The following DDX28 variants were observed in gnomAD, a reference collection of about 807,000 sequenced individuals.
DDX28 encodes the protein DEAD-box helicase 28, also known as probable ATP-dependent RNA helicase DDX28.
DDX28 carries 25 observed loss-of-function variants against 26.8 expected under a neutral mutation model. The observed-to-expected ratio is 0.93, with a 90% CI of 0.68 to 1.30. The LOEUF (loss-of-function observed/expected upper bound fraction) is 1.30. DDX28 is among the 50% of genes most tolerant of loss of function. The pLI, the probability that DDX28 is intolerant of heterozygous loss-of-function variation, is 0.00. For synonymous variants in DDX28, 370 were observed against 311.9 expected (o/e 1.19, Z -1.96); for missense variants, 790 against 695.1 (o/e 1.14, Z -1.53).
At position 68,021,510 on chromosome 16, in the gene DDX28, G is replaced by T; in HGVS notation, c.*70C>A. Reference sequence around the variant, plus strand: ...AGCCCAGAGCCTCCCACTGACAAGTGTGGTCACCCACTCAAGATACTGGGA... The same window carrying T: ...AGCCCAGAGCCTCCCACTGACAAGTTTGGTCACCCACTCAAGATACTGGGA... On this transcript the variant is annotated 3_prime_UTR_variant, in exon 1 of 1. Coordinates refer to ENST00000332395, the MANE Select transcript of DDX28 (RefSeq NM_018380.4). 6.5e-7 allele frequency: 1 copy of T among 1,530,258 alleles called. No homozygotes were observed. The highest frequency in any genetic ancestry group is 1.4e-5 in the African/African-American group (1 of 73,312). 94.8% of individuals were successfully genotyped at this position (1,530,258 alleles called of 1,614,324 possible).
Position 68,023,177 on chromosome 16 carries a change from A to G in DDX28, c.26T>C (p.Leu9Pro), listed in dbSNP as rs752347194. 1 of 1,609,674 alleles carries G rather than the reference A, an allele frequency of 6.2e-7. No individual in the cohort carries two copies. The highest frequency in any genetic ancestry group is 8.5e-7 in the Non-Finnish European group (1 of 1,179,286). ...GAGCAACCGAGTCACGAGGGAAAAG[A>G]GCCGCACCGGCCGCGTTAGAGCCAT... MALTRPVR[L>P]FSLVTRLLLA... Residue 9 changes from leucine to proline, a missense_variant, in exon 1 of 1, where the codon CTC becomes CCC. Transcript: ENST00000332395.
Position 68,021,915 on chromosome 16 carries a change from G to C in DDX28, c.1288C>G (p.Gln430Glu). The change falls in exon 1 of 1, where the codon CAA becomes GAA. Residue 430 changes from glutamine to glutamate, a missense_variant. By Grantham distance (29) the Gln-to-Glu change is conservative (BLOSUM62 2). Transcript: ENST00000332395. ...HKIQHLRLQG[Q>E]MPALMRVGIF... is the part of the protein sequence containing the mutation. ...CCTACCCTCATCAAGGCTGGCATTTGCCCCTGCAACCTTAGGTGTTGGATT... is the reference window on the plus strand; with the variant it reads ...CCTACCCTCATCAAGGCTGGCATTTCCCCCTGCAACCTTAGGTGTTGGATT... 6.2e-7 allele frequency: 1 copy of C among 1,614,206 alleles called. No homozygotes were observed. Among genetic ancestry groups the C allele is most frequent in the South Asian group, 1.1e-5 (1 of 91,086 alleles).
At position 68,022,612 on chromosome 16, in the gene DDX28, G is replaced by A; in HGVS notation, c.591C>T (p.Asp197=). Reference sequence around the variant, plus strand: ...CTCGGGGCGCGGGGATAGGAAGGGAGTCCAGGCTTGGCTGGCCCAAGAGCC... The same window carrying A: ...CTCGGGGCGCGGGGATAGGAAGGGAATCCAGGCTTGGCTGGCCCAAGAGCC... ...LQRLLGQPSL[D]SLPIPAPRGL... Residue 197 remains aspartate (D), a synonymous_variant, in exon 1 of 1, where the codon GAC becomes GAT. Transcript: ENST00000332395. The A allele has an allele frequency of 1.9e-6, 3 of 1,613,620 alleles. No homozygotes were observed. The highest frequency in any genetic ancestry group is 1.7e-6 in the Non-Finnish European group (2 of 1,179,934).
chr16:68,022,634 A>G lies in DDX28; in HGVS notation c.569T>C (p.Leu190Pro), dbSNP rs754561576. 3.6e-5 allele frequency: 58 copies of G among 1,613,018 alleles called. No individual in the cohort carries two copies. Among genetic ancestry groups the G allele is most frequent in the Non-Finnish European group, 4.7e-5 (55 of 1,179,852 alleles). Residue 190 changes from leucine to proline, a missense_variant, in exon 1 of 1, where the codon CTC becomes CCC. By Grantham distance (98) the Leu-to-Pro change is moderately conservative. Transcript: ENST00000332395. ...GGAGTCCAGGCTTGGCTGGCCCAAG[A>G]GCCGTTGAAGCAGCGGCAGGAGGTA... ...LSYLLPLLQR[L>P]LGQPSLDSLP...
rs1239305028 is a variant in DDX28 at position 68,021,315 on chromosome 16, A to G, written c.*265T>C. Reference sequence around the variant, plus strand: ...ATTATTCTTAGGGGAGGCACATAAAAACATCATTTATTGTTAGAAATCATG... The same window carrying G: ...ATTATTCTTAGGGGAGGCACATAAAGACATCATTTATTGTTAGAAATCATG... On this transcript the variant is annotated 3_prime_UTR_variant, in exon 1 of 1. Coordinates refer to ENST00000332395, the MANE Select transcript of DDX28 (RefSeq NM_018380.4). 4 of 484,944 alleles carry G rather than the reference A, an allele frequency of 8.2e-6. No homozygotes were observed. The highest frequency in any genetic ancestry group is 2.7e-5 in the South Asian group (1 of 36,544). 30.0% of individuals were successfully genotyped at this position (484,944 alleles called of 1,614,324 possible).
Position 68,023,064 on chromosome 16 carries a change from C to T in DDX28, c.139G>A (p.Glu47Lys), listed in dbSNP as rs752999743. 4 of 1,599,516 alleles carry T rather than the reference C, an allele frequency of 2.5e-6. No individual in the cohort carries two copies. The South Asian group carries it at 3.3e-5, about 13-fold the overall frequency. Residue 47 changes from glutamate to lysine, a missense_variant, in exon 1 of 1, where the codon GAA becomes AAA. Transcript: ENST00000332395. The stretch of plus-strand genomic sequence containing the variant: ...TTCCGCCGCCTGCTCTGCCGCTGTT[C>T]CAACTGCCGCTGTAGAGCCACTGGG... ...RIPVALQRQLEQRQSRRRNLP... is the reference protein window; with the variant it reads ...RIPVALQRQLKQRQSRRRNLP...
chr16:68,021,076 T>C lies in DDX28; in HGVS notation c.*504A>G, dbSNP rs2033229165. Among the ~76,000 whole-genome samples, 1 of 151,838 alleles carries C rather than the reference T, an allele frequency of 6.6e-6. No individual in the cohort carries two copies. Among genetic ancestry groups the C allele is most frequent in the Non-Finnish European group, 1.5e-5 (1 of 67,982 alleles). On this transcript the variant is annotated 3_prime_UTR_variant, in exon 1 of 1. Coordinates refer to ENST00000332395, the MANE Select transcript of DDX28 (RefSeq NM_018380.4). Reference sequence around the variant, plus strand: ...CCAGAGATTTCGCCAAGACGCCCGTTTGTCTTGGGCATTGTTAGAGAGTAA... The same window carrying C: ...CCAGAGATTTCGCCAAGACGCCCGTCTGTCTTGGGCATTGTTAGAGAGTAA...
rs1470221988 is a variant in DDX28, at chr16:68,022,816, A to G, written c.387T>C (p.Ala129=). Residue 129 remains alanine (A), a synonymous_variant, in exon 1 of 1, where the codon GCT becomes GCC. Transcript: ENST00000332395. ...VRKLSSKGSF[A]DLGLEPRVLH... ...GCACACGGGGCTCCAGGCCCAGGTC[A>G]GCAAAGCTGCCCTTAGACGAGAGCT... 6 of 1,580,476 alleles carry G rather than the reference A, an allele frequency of 3.8e-6. No homozygotes were observed. The highest frequency in any genetic ancestry group is 4.3e-6 in the Non-Finnish European group (5 of 1,163,188).
In DDX28 at chr16:68,023,014, T is replaced by G; in HGVS notation, c.189A>C (p.Arg63=). ...GCGCCGAAACCAGCAGCGGTCCGGGTCGAACCAGCACCGGCCTCGGGAGGT... is the reference window on the plus strand; with the variant it reads ...GCGCCGAAACCAGCAGCGGTCCGGGGCGAACCAGCACCGGCCTCGGGAGGT... ...RRNLPRPVLV[R]PGPLLVSARR... The change falls in exon 1 of 1, where the codon CGA becomes CGC. Residue 63 remains arginine (R), a synonymous_variant. Transcript: ENST00000332395. The G allele has an allele frequency of 1.3e-6, 2 of 1,577,318 alleles. No individual in the cohort carries two copies. Among genetic ancestry groups the G allele is most frequent in the Non-Finnish European group, 8.5e-7 (1 of 1,170,414 alleles).
Position 68,021,752 on chromosome 16 carries a change from CTGTGGA to C in DDX28, c.1445_1450del (p.Ile482_His483del), listed in dbSNP as rs1293242692. On this transcript the variant is annotated inframe_deletion, in exon 1 of 1. Coordinates refer to ENST00000332395, the MANE Select transcript of DDX28 (RefSeq NM_018380.4). ...CCCCACACGGCCCACTCTCCCTGCT[CTGTGGA>C]TGTAATCTTGCAGCGTTGGGGGGAA... 1.2e-6 allele frequency: 2 copies of C among 1,614,114 alleles called. No homozygotes were observed. Among genetic ancestry groups the C allele is most frequent in the African/African-American group, 2.7e-5 (2 of 74,938 alleles).
chr16:68,022,753 C>T lies in DDX28; in HGVS notation c.450G>A (p.Gln150=). The T allele has an allele frequency of 2.5e-6, 4 of 1,612,282 alleles. No individual in the cohort carries two copies. The highest frequency in any genetic ancestry group is 2.2e-5 in the South Asian group (2 of 91,038). Reference sequence around the variant, plus strand: ...TGGTGCTAGACTGCACGGTTGTGGGCTGAACGACTTCAGGCGCAGCCTCCT... The same window carrying T: ...TGGTGCTAGACTGCACGGTTGTGGGTTGAACGACTTCAGGCGCAGCCTCCT... The part of the protein sequence containing the change: ...ALQEAAPEVV[Q]PTTVQSSTIP... Residue 150 remains glutamine (Q), a synonymous_variant, in exon 1 of 1, where the codon CAG becomes CAA. Transcript: ENST00000332395.
In DDX28 at chr16:68,022,027, T is replaced by C; in HGVS notation, c.1176A>G (p.Glu392=). ...VHILKHRDRA[E]RTGPSGTVLV... The stretch of plus-strand genomic sequence containing the variant: ...GAACAGTTCCTGAGGGACCAGTCCT[T>C]TCTGCTCTGTCACGATGCTTGAGGA... Residue 392 remains glutamate (E), a synonymous_variant, in exon 1 of 1, where the codon GAA becomes GAG. Coordinates refer to ENST00000332395, the MANE Select transcript of DDX28 (RefSeq NM_018380.4). The C allele has an allele frequency of 6.2e-7, 1 of 1,614,188 alleles. No homozygotes were observed. The highest frequency in any genetic ancestry group is 8.5e-7 in the Non-Finnish European group (1 of 1,180,032).
In DDX28 at chr16:68,021,384, A is replaced by T; in HGVS notation, c.*196T>A. Reference sequence around the variant, plus strand: ...ATCCACTTGTGTCTTGCTAAAGACTACAGAAAGCCATGCTCAGCAGCTTCT... The same window carrying T: ...ATCCACTTGTGTCTTGCTAAAGACTTCAGAAAGCCATGCTCAGCAGCTTCT... On this transcript the variant is annotated 3_prime_UTR_variant, in exon 1 of 1. Transcript: ENST00000332395. The T allele has an allele frequency of 1.7e-6, 1 of 603,026 alleles. No homozygotes were observed. Among genetic ancestry groups the T allele is most frequent in the Non-Finnish European group, 2.9e-6 (1 of 344,272 alleles). 37.4% of individuals were successfully genotyped at this position (603,026 alleles called of 1,614,324 possible).
rs369159243 is a variant in DDX28, at chr16:68,021,822, G to A, written c.1381C>T (p.Leu461=). Residue 461 remains leucine (L), a synonymous_variant, in exon 1 of 1, where the codon CTG becomes TTG. Coordinates refer to ENST00000332395, the MANE Select transcript of DDX28 (RefSeq NM_018380.4). Reference sequence around the variant, plus strand: ...ACCAGCTCCACACCAGTGCTGTCCAGGCCCCGAGAGGCTATGTCTGTGCAG... The same window carrying A: ...ACCAGCTCCACACCAGTGCTGTCCAAGCCCCGAGAGGCTATGTCTGTGCAG... The part of the protein sequence containing the change: ...LLCTDIASRG[L]DSTGVELVVN... 2 of 1,614,204 alleles carry A rather than the reference G, an allele frequency of 1.2e-6. No individual in the cohort carries two copies. The highest frequency in any genetic ancestry group is 1.7e-6 in the Non-Finnish European group (2 of 1,180,044).
At position 68,023,013 on chromosome 16, in the gene DDX28, G is replaced by A. The variant is rs1181960427; in HGVS notation, c.190C>T (p.Pro64Ser). 2 of 1,577,790 alleles carry A rather than the reference G, an allele frequency of 1.3e-6. No homozygotes were observed. The highest frequency in any genetic ancestry group is 1.7e-6 in the Non-Finnish European group (2 of 1,170,464). The change falls in exon 1 of 1, where the codon CCC (proline) becomes TCC (serine). Residue 64 changes from proline to serine, a missense_variant. Physicochemically the swap from Pro to Ser is moderately conservative, Grantham distance 74 (BLOSUM62 -1). Transcript: ENST00000332395. The stretch of plus-strand genomic sequence containing the variant: ...CGCGCCGAAACCAGCAGCGGTCCGG[G>A]TCGAACCAGCACCGGCCTCGGGAGG... ...RNLPRPVLVRPGPLLVSARRP... is the reference protein window; with the variant it reads ...RNLPRPVLVRSGPLLVSARRP...
Position 68,021,625 on chromosome 16 carries a change from T to C in DDX28, c.1578A>G (p.Pro526=), listed in dbSNP as rs767387991. 27 of 1,614,066 alleles carry C rather than the reference T, an allele frequency of 1.7e-5. No individual in the cohort carries two copies. The highest frequency in any genetic ancestry group is 5.3e-5 in the African/African-American group (4 of 74,946). Reference sequence around the variant, plus strand: ...GCTCTTTCACCGAGGATGCTAGTCCTGGAAGACTTCTCCTTCGGCGAGCCG... The same window carrying C: ...GCTCTTTCACCGAGGATGCTAGTCCCGGAAGACTTCTCCTTCGGCGAGCCG... ...ELAARRRRSL[P]GLASSVKEPL... is the part of the protein sequence containing the mutation. Residue 526 remains proline, a synonymous_variant, in exon 1 of 1, where the codon CCA becomes CCG. Coordinates refer to ENST00000332395, the MANE Select transcript of DDX28 (RefSeq NM_018380.4).
rs768299346 is a variant in DDX28, at chr16:68,021,966, G to A, written c.1237C>T (p.Leu413=). ...FCNSSSTVNW[L]GYILDDHKIQ... is the part of the protein sequence containing the mutation. ...TTGTGGTCATCCAGAATATATCCCA[G>A]CCAGTTCACAGTGCTGGAGCTATTA... is the stretch of plus-strand genomic sequence containing the variant. The change falls in exon 1 of 1, where the codon CTG becomes TTG. Residue 413 remains leucine (L), a synonymous_variant. Transcript: ENST00000332395. The A allele has an allele frequency of 4.3e-6, 7 of 1,614,034 alleles. No individual in the cohort carries two copies. Among genetic ancestry groups the A allele is most frequent in the Non-Finnish European group, 5.9e-6 (7 of 1,180,040 alleles).
chr16:68,021,575 C>A lies in DDX28; in HGVS notation c.*5G>T. 3 of 1,609,936 alleles carry A rather than the reference C, an allele frequency of 1.9e-6. No homozygotes were observed. The South Asian group carries it at 3.3e-5, about 18-fold the overall frequency. ...AGCATCACATTTTAATCAGATTTGT[C>A]AAAATCAGGTTGCTTGGGGCAAAGG... is the stretch of plus-strand genomic sequence containing the variant. On this transcript the variant is annotated 3_prime_UTR_variant, in exon 1 of 1. Coordinates refer to ENST00000332395, the MANE Select transcript of DDX28 (RefSeq NM_018380.4).
In DDX28 at chr16:68,022,102, C is replaced by T; in HGVS notation, c.1101G>A (p.Gln367=). The T allele has an allele frequency of 6.2e-7, 1 of 1,614,186 alleles. No homozygotes were observed. Among genetic ancestry groups the T allele is most frequent in the Non-Finnish European group, 8.5e-7 (1 of 1,180,046 alleles). ...KLHCIMPHVK[Q]TFLRLKGADK... is the part of the protein sequence containing the mutation. ...CTGCTCCCTTCAGTCTCAGAAATGT[C>T]TGTTTCACATGAGGCATGATACAGT... Residue 367 remains glutamine (Q), a synonymous_variant, in exon 1 of 1, where the codon CAG becomes CAA. Transcript: ENST00000332395.
Sources: allele counts gnomAD v4.1 joint callset (sites outside exome capture counted in the v4.1 genomes callset), GRCh38; gene constraint gnomAD v4.1.1; transcripts MANE v1.5; gene names NCBI Gene and HGNC (gene_info 2026-07-23, HGNC 2026-07-21).